The following ADGRL3 variants were observed in gnomAD, a reference collection of about 807,000 sequenced individuals.
ADGRL3 encodes adhesion G protein-coupled receptor L3, also known as calcium-independent alpha-latrotoxin receptor 3.
In ADGRL3, 62 loss-of-function variants were observed where a neutral mutation model predicts 153.5. The observed-to-expected ratio is 0.40, with a 90% CI of 0.33 to 0.50. The LOEUF is 0.50. Among genes scored for constraint, ADGRL3 ranks in the 20% least tolerant of loss-of-function variants. ADGRL3 has a pLI of 0.47. For synonymous variants in ADGRL3, 710 were observed against 672.5 expected, an observed-to-expected ratio of 1.06 and a Z score of -0.86; for missense variants, 1,641 against 1,859.4, an observed-to-expected ratio of 0.88 and a Z score of 2.16.
At chr4:61,736,763 A>G (rs928521835) in intron 8 of ADGRL3, among the ~76,000 whole-genome samples, 6 of 152,320 alleles carry the variant, frequency 3.9e-5, no homozygotes, top group Admixed American at 3.3e-4. Context: ...AGGAGATTGA[A>G]TTTCATTCCT....
intron 2 of ADGRL3, among the ~76,000 whole-genome samples, chr4:61,449,357 G>C (rs763218985): frequency 6.6e-6 from 1 of 151,826 alleles, no homozygotes; most frequent in East Asian, 2.0e-4. Flanking sequence ...GGATGGTCTC[G>C]ATTTCCTGAC....
chr4:61,806,531 C>A (rs2097554695), intron 8 of ADGRL3, among the ~76,000 whole-genome samples: 1 of 151,672 alleles, frequency 6.6e-6, no homozygotes, highest in Admixed American at 6.6e-5. Context: ...ATATACAATT[C>A]CTGGAGCATA....
chr4:61,299,607 A>C (rs946780663), intron 1 of ADGRL3, among the ~76,000 whole-genome samples: 1 of 152,206 alleles, frequency 6.6e-6, no homozygotes, highest in African/African-American at 2.4e-5. Context: ...GTCAGCATCA[A>C]CTTAAGCAAA....
At chr4:61,721,111 T>G (rs2096235237) in intron 6 of ADGRL3, among the ~76,000 whole-genome samples, 1 of 152,164 alleles carries the variant, frequency 6.6e-6, no homozygotes, top group South Asian at 2.1e-4. Context: ...TTCCACAGAT[T>G]ACAAATCTTT....
intron 25 of ADGRL3, among the ~76,000 whole-genome samples, chr4:62,064,923 A>G (rs946338062): frequency 2.0e-5 from 3 of 152,078 alleles, no homozygotes; most frequent in Non-Finnish European, 4.4e-5. Flanking sequence ...ATACAATGAA[A>G]TAATTCAGCT....
chr4:61,669,992 A>C (rs528913967), intron 5 of ADGRL3, among the ~76,000 whole-genome samples: 1 of 152,314 alleles, frequency 6.6e-6, no homozygotes, highest in African/African-American at 2.4e-5. Flanking sequence ...AAACACTACA[A>C]TATTTCACTT....
chr4:61,925,554 T>A (rs1025235802), intron 13 of ADGRL3, among the ~76,000 whole-genome samples: 39 of 152,258 alleles, frequency 2.6e-4, no homozygotes, highest in African/African-American at 9.1e-4. Flanking sequence ...GCTTAGCTTC[T>A]GGGGTGGGCT....
intron 5 of ADGRL3, among the ~76,000 whole-genome samples, chr4:61,624,864 A>G (rs888650453): frequency 6.6e-6 from 1 of 152,104 alleles, no homozygotes; most frequent in African/African-American, 2.4e-5. Flanking sequence ...CAGCTTAAAT[A>G]TTTTGTTATA....
At chr4:61,238,819 A>T (rs1753817437) in intron 1 of ADGRL3, among the ~76,000 whole-genome samples, 1 of 152,188 alleles carries the variant, frequency 6.6e-6, no homozygotes, top group Non-Finnish European at 1.5e-5. Flanking sequence ...TTATAGTTAA[A>T]AACACTATGT....
At chr4:61,315,638 A>G (rs1258594225) in intron 1 of ADGRL3, among the ~76,000 whole-genome samples, 1 of 152,152 alleles carries the variant, frequency 6.6e-6, no homozygotes, top group East Asian at 1.9e-4. Context: ...GCATCTTTCA[A>G]TTTACCTCCA....
intron 2 of ADGRL3, among the ~76,000 whole-genome samples, chr4:61,487,758 AGATTTTATGCGT>A (rs1162263530): frequency 5.9e-5 from 9 of 152,018 alleles, no homozygotes; most frequent in Non-Finnish European, 1.3e-4. Flanking sequence ...TGAATATTTG[AGATTTTATGCGT>A]GATTTTATTT....
Position 62,073,608 on chromosome 4 carries a change from A to C in ADGRL3, c.*2700A>C, listed in dbSNP as rs1393106945. On this transcript the variant is annotated 3_prime_UTR_variant, in exon 27 of 27. Coordinates refer to ENST00000683033, the MANE Select transcript of ADGRL3 (RefSeq NM_001387552.1). ...ACAGAAAAATGGGGAAACTACCTCA[A>C]TTCAGCTTGCTGATTTTCTGACATT... The C allele has an allele frequency of 6.6e-6, 1 of 152,126 alleles. No homozygotes were observed. The highest frequency in any genetic ancestry group is 1.5e-5 in the Non-Finnish European group (1 of 68,000). The allele number at this position is 152,126 out of a possible 1,614,324, so 9.4% of individuals were successfully genotyped here. A position where few individuals can be genotyped will look rare whatever the true frequency, so the allele number is the denominator to read the frequency against.
intron 2 of ADGRL3, among the ~76,000 whole-genome samples, chr4:61,398,260 G>C (rs2096890582): frequency 6.6e-6 from 1 of 151,544 alleles, no homozygotes; most frequent in Admixed American, 6.6e-5. Context: ...AGAAAAAAAT[G>C]ATGATTTTTA....
intron 2 of ADGRL3, among the ~76,000 whole-genome samples, chr4:61,409,227 TTA>T (rs547091413): frequency 7.3e-6 from 1 of 136,854 alleles, no homozygotes. Flanking sequence ...ATAATATATA[TTA>T]TATATATTAG....
intron 9 of ADGRL3, among the ~76,000 whole-genome samples, chr4:61,858,381 G>A (rs1432207568): frequency 6.6e-6 from 1 of 152,152 alleles, no homozygotes; most frequent in Non-Finnish European, 1.5e-5. Flanking sequence ...CCAGCACTTT[G>A]GGAGGCCGAG....
At chr4:61,371,869 A>C (rs1387797182) in intron 1 of ADGRL3, among the ~76,000 whole-genome samples, 1 of 152,102 alleles carries the variant, frequency 6.6e-6, no homozygotes, top group Non-Finnish European at 1.5e-5. Context: ...CAGGTACACC[A>C]AGCAGATGTA....
intron 1 of ADGRL3, among the ~76,000 whole-genome samples, chr4:61,330,277 T>A (rs77994838): frequency 6.6e-6 from 1 of 152,112 alleles, no homozygotes; most frequent in Non-Finnish European, 1.5e-5. Context: ...CAGAAAAGAT[T>A]AGCATTTGAA....
At chr4:61,693,668 G>A (rs1375941546) in intron 6 of ADGRL3, among the ~76,000 whole-genome samples, 1 of 152,114 alleles carries the variant, frequency 6.6e-6, no homozygotes, top group East Asian at 1.9e-4. Flanking sequence ...AGTCAATAAG[G>A]TTAAAAAGAT....
rs1200903598 is a variant in ADGRL3 at position 62,007,379 on chromosome 4, T to C, written c.3395+9114T>C. ...GATTATATATATATATATATATATA[T>C]ATATACACACACACACATATATATA... On this transcript the variant is annotated intron_variant, in intron 21 of 26. Transcript: ENST00000683033. 1.9e-3 allele frequency among the ~76,000 whole-genome samples: 18 copies of C among 9,340 alleles called. 2 individuals are homozygous for C. Among genetic ancestry groups the C allele is most frequent in the Admixed American group, 0.012 (7 of 562 alleles). 6.1% of individuals were successfully genotyped at this position (9,340 alleles called of 152,430 possible).
Sources: gnomAD v4.1 joint callset for allele counts (sites outside exome capture counted in the v4.1 genomes callset) on GRCh38, gnomAD v4.1.1 for gene constraint, MANE v1.5 for transcripts, NCBI Gene and HGNC (gene_info 2026-07-23, HGNC 2026-07-21) for gene names.